The following RBM6 variants were observed in gnomAD, a reference collection of about 807,000 sequenced individuals.
The protein encoded by RBM6 is RNA binding motif protein 6.
Under a neutral mutation model 140.4 loss-of-function variants are expected in RBM6, and 23 were observed. The ratio of observed to expected loss-of-function variants is 0.16; its 90% CI spans 0.12 to 0.23. The LOEUF (loss-of-function observed/expected upper bound fraction) is 0.23. RBM6 is among the 10% of genes least tolerant of loss of function. The pLI is 1.00. For synonymous variants in RBM6, 439 were observed against 475.6 expected, an observed-to-expected ratio of 0.92 and a Z score of 1.00; for missense variants, 1,139 against 1,386.7, an observed-to-expected ratio of 0.82 and a Z score of 2.84.
At chr3:50,006,161 T>TC (rs1174796822) in intron 6 of RBM6, among the ~76,000 whole-genome samples, 3 of 151,152 alleles carry the variant, frequency 2.0e-5, no homozygotes. Flanking sequence ...TTTTTTTTTT[T>TC]TCAGATGGAG....
At chr3:50,055,344 C>T (rs748076776) in intron 8 of RBM6, among the ~76,000 whole-genome samples, 7 of 152,130 alleles carry the variant, frequency 4.6e-5, no homozygotes, top group Non-Finnish European at 7.4e-5. Flanking sequence ...ACACTAGAAT[C>T]GCTTGAACCC....
chr3:50,040,884 A>G (rs1575782523), intron 6 of RBM6, among the ~76,000 whole-genome samples: 1 of 152,010 alleles, frequency 6.6e-6, no homozygotes. Context: ...AGCTCAAGCA[A>G]TCCACCTGCC....
rs775310792 is a variant in RBM6 at position 50,059,743 on chromosome 3, G to A, written c.2225G>A (p.Arg742Gln). Residue 742 changes from arginine to glutamine, a missense_variant, in exon 11 of 21, where the codon CGA becomes CAA. Around this residue, in one of 9 missense-constraint regions of RBM6, gnomAD observed 163 missense variants for 182.8 expected, o/e 0.89. Transcript: ENST00000266022. ...MVAVNLATGK[R>Q]RNDSGDHSDH... is the part of the protein sequence containing the mutation. ...GCTGTAAACCTGGCCACTGGAAAAC[G>A]AAGGTAAGGCAGAAGGGTGAGGATC... The A allele has an allele frequency of 1.1e-5, 17 of 1,612,882 alleles. No individual in the cohort carries two copies. The African/African-American group carries it at 1.2e-4, about 11-fold the overall frequency.
rs577645915 is a variant in RBM6 at position 49,951,869 on chromosome 3, C to G, written c.-66-10707C>G. On this transcript the variant is annotated intron_variant, in intron 1 of 20. Transcript: ENST00000266022. ...TCCCAAGTAGCTGGGAATACAGGTGCCCGCCACCACGCCTGGCTAATTTTT... is the reference window on the plus strand; with the variant it reads ...TCCCAAGTAGCTGGGAATACAGGTGGCCGCCACCACGCCTGGCTAATTTTT... 2.0e-5 allele frequency among the ~76,000 whole-genome samples: 3 copies of G among 151,918 alleles called. No homozygotes were observed. In the South Asian group the frequency reaches 6.2e-4, roughly 32 times the overall value.
intron 5 of RBM6, among the ~76,000 whole-genome samples, chr3:49,978,103 T>G (rs1267229443): frequency 1.3e-5 from 2 of 152,150 alleles, no homozygotes; most frequent in Admixed American, 1.3e-4. Context: ...TCGGCTCAAG[T>G]GATCCTTCTG....
At chr3:50,048,063 G>C (rs1329655092) in intron 6 of RBM6, among the ~76,000 whole-genome samples, 182 bp from the exon 7 acceptor site, 1 of 152,186 alleles carries the variant, frequency 6.6e-6, no homozygotes, top group African/African-American at 2.4e-5. Flanking sequence ...CTAAGCTAAA[G>C]CTTGCTCTGT....
At chr3:50,037,824 T>A (rs2108844582) in intron 6 of RBM6, among the ~76,000 whole-genome samples, 1 of 149,802 alleles carries the variant, frequency 6.7e-6, no homozygotes, top group African/African-American at 2.4e-5. Flanking sequence ...CTTTCCTTTT[T>A]TTTTTTTTTT....
intron 6 of RBM6, among the ~76,000 whole-genome samples, chr3:50,044,359 C>T (rs953446394): frequency 6.6e-6 from 1 of 151,984 alleles, no homozygotes; most frequent in African/African-American, 2.4e-5. Flanking sequence ...CGCTGGGGCT[C>T]ATGCCTGTAA....
chr3:50,038,925 G>T (rs564097779), intron 6 of RBM6, among the ~76,000 whole-genome samples: 7 of 152,330 alleles, frequency 4.6e-5, no homozygotes, highest in African/African-American at 1.7e-4. Context: ...TGCAGTAGGA[G>T]AGAGCCTCTC....
Position 50,057,798 on chromosome 3 carries a change from A to C in RBM6, c.1764A>C (p.Glu588Asp), listed in dbSNP as rs2089774199. 1.2e-5 allele frequency: 20 copies of C among 1,614,032 alleles called. No homozygotes were observed. The highest frequency in any genetic ancestry group is 1.6e-5 in the Non-Finnish European group (19 of 1,179,988). Reference protein sequence around the residue: ...PQKTSIPAPLEKQPNQPLRPA... With the variant: ...PQKTSIPAPLDKQPNQPLRPA... ...AAACATCCATACCAGCACCATTGGA[A>C]AAACAGCCCAACCAGCCCCTAAGAC... Residue 588 changes from glutamate (E) to aspartate (D), a missense_variant, in exon 9 of 21, where the codon GAA becomes GAC. Glu to Asp is a conservative substitution (Grantham distance 45, BLOSUM62 2). Around this residue, in one of 9 missense-constraint regions of RBM6, gnomAD observed 109 missense variants for 101.9 expected, o/e 1.07. Coordinates refer to ENST00000266022, the MANE Select transcript of RBM6 (RefSeq NM_005777.3).
rs566032569 is a variant in RBM6, at chr3:50,023,448, G to A, written c.1557+23935G>A. Among the ~76,000 whole-genome samples the A allele has an allele frequency of 3.2e-4, 49 of 152,138 alleles. No homozygotes were observed. In the East Asian group the frequency reaches 9.5e-3, roughly 29 times the overall value. On this transcript the variant is annotated intron_variant, in intron 6 of 20. Coordinates refer to ENST00000266022, the MANE Select transcript of RBM6 (RefSeq NM_005777.3). ...AGCATCCCAAGTAGCTGGGATTACA[G>A]GTGCCTGCCACCACACCTGACTAAT...
chr3:49,967,271 G>C lies in RBM6; in HGVS notation c.45-199G>C. ...TGACTTTCCTCGTGTTCTGAAATGG[G>C]AGCATAAAAGTTTACTCCGCCACTT... On this transcript the variant is annotated intron_variant, in intron 2 of 20. Coordinates refer to ENST00000266022, the MANE Select transcript of RBM6 (RefSeq NM_005777.3). This position sits in a 1 kb window ranked among gnomAD's most constrained non-coding sequence, Gnocchi z 4.0. The C allele has an allele frequency of 1.5e-6, 2 of 1,364,540 alleles. No homozygotes were observed. Among genetic ancestry groups the C allele is most frequent in the Non-Finnish European group, 1.9e-6 (2 of 1,061,262 alleles). 84.5% of individuals were successfully genotyped at this position (1,364,540 alleles called of 1,614,324 possible). A position where few individuals can be genotyped will look rare whatever the true frequency, so the allele number is the denominator to read the frequency against.
At chr3:50,041,164 G>A (rs1225934369) in intron 6 of RBM6, among the ~76,000 whole-genome samples, 1 of 152,214 alleles carries the variant, frequency 6.6e-6, no homozygotes, top group African/African-American at 2.4e-5. Context: ...GAAAAGATAG[G>A]AAGTGGCAGC....
chr3:50,043,344 G>A (rs1380230489), intron 6 of RBM6, among the ~76,000 whole-genome samples: 1 of 151,792 alleles, frequency 6.6e-6, no homozygotes, highest in Admixed American at 6.6e-5. Flanking sequence ...TTATCCCGGT[G>A]TAGTGGCGCA....
rs200617300 is a variant in RBM6 at position 50,031,282 on chromosome 3, T to C, written c.1558-16963T>C. 1.2e-4 allele frequency among the ~76,000 whole-genome samples: 19 copies of C among 152,278 alleles called. No individual in the cohort carries two copies. The East Asian group carries it at 2.3e-3, about 19-fold the overall frequency. ...ATGCTGCTATAAAGACACATGCACA[T>C]GTATGTTTATTGCGGCACTATTCAC... On this transcript the variant is annotated intron_variant, in intron 6 of 20. Coordinates refer to ENST00000266022, the MANE Select transcript of RBM6 (RefSeq NM_005777.3).
At chr3:50,045,914 A>G (rs1445915670) in intron 6 of RBM6, among the ~76,000 whole-genome samples, 1 of 152,188 alleles carries the variant, frequency 6.6e-6, no homozygotes, top group Non-Finnish European at 1.5e-5. Flanking sequence ...GAGTAGAGGC[A>G]GGATTCAAAT....
intron 16 of RBM6, 146 bp from the exon 17 acceptor site, chr3:50,066,096 T>G: frequency 1.1e-6 from 1 of 891,966 alleles, no homozygotes. Context: ...GCCATGTTGC[T>G]TTCATCTGGG....
intron 15 of RBM6, among the ~76,000 whole-genome samples, chr3:50,064,105 G>GT (rs1215160641): frequency 6.6e-6 from 1 of 151,644 alleles, no homozygotes; most frequent in Non-Finnish European, 1.5e-5. Context: ...GCTAATTTTT[G>GT]TATTTTTAGT....
intron 5 of RBM6, among the ~76,000 whole-genome samples, chr3:49,997,941 GT>G (rs1229678807): frequency 1.3e-5 from 2 of 152,210 alleles, no homozygotes; most frequent in East Asian, 3.8e-4. Context: ...TTTGTGGTAA[GT>G]TTGGAGGGGT....
Sources: gnomAD v4.1 joint callset for allele counts (sites outside exome capture counted in the v4.1 genomes callset) on GRCh38, gnomAD v4.1.1 for gene constraint, gnomAD v4.1.1 regional missense constraint, Gnocchi (gnomAD v3.1) non-coding constraint, MANE v1.5 for transcripts, NCBI Gene and HGNC (gene_info 2026-07-23, HGNC 2026-07-21) for gene names.